Variants in COL24A1 observed in about 807,000 individuals in gnomAD.
COL24A1 encodes the protein collagen type XXIV alpha 1 chain.
COL24A1 carries 224 observed loss-of-function variants against 253.9 expected under a neutral mutation model. The ratio of observed to expected loss-of-function variants is 0.88; its 90% CI spans 0.79 to 0.99. The LOEUF is 0.99. Among genes scored for constraint, COL24A1 ranks in the 50% least tolerant of loss-of-function variants. The probability of loss-of-function intolerance (pLI) is 0.00; values close to 1 mark genes in which losing one functional copy is unlikely to be tolerated. For synonymous variants in COL24A1, 685 were observed against 673.7 expected, an observed-to-expected ratio of 1.02 and a Z score of -0.26; for missense variants, 2,131 against 2,068.5, an observed-to-expected ratio of 1.03 and a Z score of -0.59.
At chr1:85,756,640 T>A (rs763902293) in intron 55 of COL24A1, among the ~76,000 whole-genome samples, 2 of 152,178 alleles carry the variant, frequency 1.3e-5, no homozygotes, top group Non-Finnish European at 2.9e-5. Context: ...GTGGCAGCTA[T>A]GGAAAACAGT....
At chr1:85,851,996 T>C (rs1246602805) in intron 37 of COL24A1, among the ~76,000 whole-genome samples, 2 of 152,220 alleles carry the variant, frequency 1.3e-5, no homozygotes, top group African/African-American at 2.4e-5. Context: ...CCTTTCCTTA[T>C]AAGGTCATAA....
At chr1:85,811,020 T>C (rs550302636) in intron 47 of COL24A1, among the ~76,000 whole-genome samples, 2 of 152,316 alleles carry the variant, frequency 1.3e-5, no homozygotes, top group South Asian at 4.1e-4. Flanking sequence ...GCCAGTATCA[T>C]AGGTCTTTCA....
chr1:86,050,369 C>T (rs1348505448), intron 10 of COL24A1, among the ~76,000 whole-genome samples, 192 bp from the exon 11 acceptor site: 1 of 151,996 alleles, frequency 6.6e-6, no homozygotes, highest in East Asian at 1.9e-4. Flanking sequence ...AAAAATTATA[C>T]AAAATATAAT....
chr1:86,049,695 A>C (rs533591109), intron 11 of COL24A1, among the ~76,000 whole-genome samples: 1 of 152,234 alleles, frequency 6.6e-6, no homozygotes, highest in East Asian at 1.9e-4. Flanking sequence ...AAGTACCCAT[A>C]TTTATTAACA....
intron 1 of COL24A1, among the ~76,000 whole-genome samples, chr1:86,152,736 C>T (rs1447175264): frequency 6.6e-6 from 1 of 152,070 alleles, no homozygotes; most frequent in Non-Finnish European, 1.5e-5. Context: ...CTAGTAATAC[C>T]ACAGAGAATG....
At chr1:86,099,371 G>T (rs1704251955) in intron 5 of COL24A1, among the ~76,000 whole-genome samples, 1 of 152,040 alleles carries the variant, frequency 6.6e-6, no homozygotes, top group African/African-American at 2.4e-5. Flanking sequence ...AAAATAAGCA[G>T]AAGGAAGAAA....
chr1:85,820,901 G>T (rs1201472887), intron 45 of COL24A1, among the ~76,000 whole-genome samples: 1 of 152,182 alleles, frequency 6.6e-6, no homozygotes, highest in Non-Finnish European at 1.5e-5. Context: ...TTTTTAATAT[G>T]CAACGTTAAT....
chr1:86,113,227 C>T (rs902446844), intron 4 of COL24A1, among the ~76,000 whole-genome samples: 1 of 152,178 alleles, frequency 6.6e-6, no homozygotes, highest in Admixed American at 6.5e-5. Context: ...ATCCTTATAA[C>T]AATCCTGCAA....
intron 24 of COL24A1, among the ~76,000 whole-genome samples, chr1:85,957,740 C>T (rs943287030): frequency 6.6e-6 from 1 of 152,196 alleles, no homozygotes; most frequent in African/African-American, 2.4e-5. Flanking sequence ...TCTACTTCTG[C>T]TCTTTACAGC....
intron 37 of COL24A1, among the ~76,000 whole-genome samples, chr1:85,868,208 C>T (rs1202160104): frequency 1.3e-5 from 2 of 152,110 alleles, no homozygotes; most frequent in Admixed American, 6.5e-5. Flanking sequence ...TACTCTACAA[C>T]AATAATGTCA....
At chr1:85,782,366 G>T (rs1669228802) in intron 51 of COL24A1, among the ~76,000 whole-genome samples, 1 of 152,202 alleles carries the variant, frequency 6.6e-6, no homozygotes, top group Non-Finnish European at 1.5e-5. Context: ...GGGATTACAG[G>T]TGTGAGCCAC....
intron 37 of COL24A1, among the ~76,000 whole-genome samples, chr1:85,858,616 T>TCTCC (rs758179112): frequency 0.067 from 4,585 of 68,028 alleles, 177 homozygotes; most frequent in Middle Eastern, 0.088. Context: ...CTCCTTATTT[T>TCTCC]CTCCCTCCTT....
intron 8 of COL24A1, among the ~76,000 whole-genome samples, chr1:86,059,997 A>T (rs1700963040): frequency 1.3e-5 from 2 of 152,232 alleles, no homozygotes; most frequent in African/African-American, 4.8e-5. Flanking sequence ...TAAGCCACCC[A>T]GTCTATGGTC....
intron 48 of COL24A1, among the ~76,000 whole-genome samples, chr1:85,785,384 A>T (rs1247863152): frequency 2.6e-5 from 4 of 152,192 alleles, no homozygotes; most frequent in African/African-American, 9.7e-5. Flanking sequence ...GATTTTAGAG[A>T]TAGGTTAATG....
chr1:85,801,378 G>A (rs1274406992), intron 47 of COL24A1, among the ~76,000 whole-genome samples: 2 of 152,156 alleles, frequency 1.3e-5, no homozygotes, highest in Admixed American at 6.5e-5. Flanking sequence ...CCAGTGTGAT[G>A]CACCACTAGG....
intron 7 of COL24A1, among the ~76,000 whole-genome samples, chr1:86,066,043 C>T (rs1270168260): frequency 6.6e-6 from 1 of 152,054 alleles, no homozygotes; most frequent in Non-Finnish European, 1.5e-5. Context: ...TAGATAAGCA[C>T]TGGTAGAAAA....
chr1:86,102,290 G>T lies in COL24A1; in HGVS notation c.1600-9970C>A, dbSNP rs554845340. ...GAATCTTTTCTCTTCCTTTTTATTA[G>T]TCTAGCTAGCAGTCTATTTATTTTA... On this transcript the variant is annotated intron_variant, in intron 5 of 59. Transcript: ENST00000370571. 2.0e-5 allele frequency among the ~76,000 whole-genome samples: 3 copies of T among 151,790 alleles called. No individual in the cohort carries two copies. The South Asian group carries it at 6.2e-4, about 32-fold the overall frequency.
intron 57 of COL24A1, among the ~76,000 whole-genome samples, chr1:85,742,757 T>C (rs1664790853): frequency 6.6e-6 from 1 of 152,148 alleles, no homozygotes; most frequent in African/African-American, 2.4e-5. Context: ...ATAACCCACA[T>C]CCAATCTATC....
chr1:86,019,933 C>T (rs1287124733), intron 18 of COL24A1, among the ~76,000 whole-genome samples: 2 of 152,026 alleles, frequency 1.3e-5, no homozygotes, highest in African/African-American at 4.8e-5. Context: ...AGGCTCTCTG[C>T]CTTTTCTTTA....
Sources: gnomAD v4.1 joint callset for allele counts (sites outside exome capture counted in the v4.1 genomes callset) on GRCh38, gnomAD v4.1.1 for gene constraint, MANE v1.5 for transcripts, NCBI Gene and HGNC (gene_info 2026-07-23, HGNC 2026-07-21) for gene names.